The following UNC79 variants were observed in gnomAD, a reference collection of about 807,000 sequenced individuals.
UNC79 encodes protein unc-79 homolog.
Under a neutral mutation model 283.1 loss-of-function variants are expected in UNC79, and 37 were observed. The ratio of observed to expected loss-of-function variants is 0.13; its 90% CI spans 0.10 to 0.17. The LOEUF (loss-of-function observed/expected upper bound fraction) is 0.17. UNC79 is among the 10% of genes least tolerant of loss of function. The pLI, the probability that UNC79 is intolerant of heterozygous loss-of-function variation, is 1.00. For missense variants in UNC79, 2,272 were observed against 3,211.1 expected, an observed-to-expected ratio of 0.71 and a Z score of 7.07; for synonymous variants, 1,107 against 1,200.2, an observed-to-expected ratio of 0.92 and a Z score of 1.61.
chr14:93,655,644 GAAAAAAAAA>G, intron 38 of UNC79, among the ~76,000 whole-genome samples: 1 of 81,760 alleles, frequency 1.2e-5, no homozygotes, highest in African/African-American at 4.1e-5. Context: ...CAGTTGATTT[GAAAAAAAAA>G]AAAAAAAACA....
At chr14:93,655,144 G>A in intron 37 of UNC79, 90 bp from the exon 41 acceptor site, 1 of 1,443,042 alleles carries the variant, frequency 6.9e-7, no homozygotes, top group East Asian at 2.3e-5. Flanking sequence ...ATAGCCTGAA[G>A]ATGTGACTTT....
At chr14:93,458,013 A>G (rs1427167429) in intron 1 of UNC79, among the ~76,000 whole-genome samples, 3 of 152,244 alleles carry the variant, frequency 2.0e-5, no homozygotes, top group Admixed American at 2.0e-4. Context: ...TTTCAGGCAT[A>G]ATTTTTACTT....
chr14:93,704,574 G>A (rs769226382), intron 47 of UNC79, 51 bp from the exon 51 acceptor site: 7 of 1,600,612 alleles, frequency 4.4e-6, no homozygotes, highest in Non-Finnish European at 6.0e-6. Context: ...GCGAAGCTTT[G>A]TGGGAGAATA....
At chr14:93,633,927 A>G (rs551410660) in intron 31 of UNC79, among the ~76,000 whole-genome samples, 2 of 152,222 alleles carry the variant, frequency 1.3e-5, no homozygotes, top group Non-Finnish European at 2.9e-5. Context: ...GATTGAAAAC[A>G]GCATTGACTT....
chr14:93,641,767 G>C (rs2069057708), intron 33 of UNC79, among the ~76,000 whole-genome samples: 1 of 152,166 alleles, frequency 6.6e-6, no homozygotes, highest in South Asian at 2.1e-4. Context: ...AGATGATATG[G>C]TTTGGCTATG....
chr14:93,570,510 C>T (rs1054373567), intron 14 of UNC79, among the ~76,000 whole-genome samples: 1 of 152,196 alleles, frequency 6.6e-6, no homozygotes, highest in South Asian at 2.1e-4. Flanking sequence ...CATAATATCT[C>T]CTATCAGACT....
Position 93,531,099 on chromosome 14 carries a change from T to C in UNC79, c.1094-1451T>C, listed in dbSNP as rs2060803655. On this transcript the variant is annotated intron_variant, in intron 10 of 48. Coordinates refer to ENST00000555664, the Ensembl canonical transcript of UNC79. This position sits in a 1 kb window ranked among gnomAD's most constrained non-coding sequence, Gnocchi z 4.2. ...TAAGTTATAAAATCCTTTTTAAATA[T>C]GTTGCTGAGTTCTGGTTGTCATCTC... 6.6e-6 allele frequency among the ~76,000 whole-genome samples: 1 copy of C among 152,252 alleles called. No individual in the cohort carries two copies. Among genetic ancestry groups the C allele is most frequent in the South Asian group, 2.1e-4 (1 of 4,832 alleles).
chr14:93,628,013 A>G (rs2067700717), intron 30 of UNC79, among the ~76,000 whole-genome samples: 2 of 152,110 alleles, frequency 1.3e-5, no homozygotes, highest in African/African-American at 4.8e-5. Context: ...TTGGCTAGGG[A>G]TGATTATTTT....
In UNC79 at chr14:93,337,176, C is replaced by T. The variant is rs180993836; in HGVS notation, c.-351+3653C>T. ...ACCAATTAGCATGCATTTCTTCCTG[C>T]CCATGGACCAATCAGCATGCACTTC... On this transcript the variant is annotated intron_variant, in intron 1 of 49. Transcript: ENST00000256339. 5.9e-5 allele frequency among the ~76,000 whole-genome samples: 9 copies of T among 152,344 alleles called. No individual in the cohort carries two copies. The East Asian group carries it at 1.5e-3, about 26-fold the overall frequency.
intron 2 of UNC79, 98 bp downstream of exon 2, chr14:93,467,889 G>T: frequency 7.5e-7 from 1 of 1,336,268 alleles, no homozygotes; most frequent in South Asian, 1.9e-5. Flanking sequence ...GTTTTAAAGG[G>T]CCTATGTTTT....
intron 7 of UNC79, among the ~76,000 whole-genome samples, chr14:93,508,465 C>A (rs1345107394): frequency 6.6e-6 from 1 of 152,054 alleles, no homozygotes; most frequent in Non-Finnish European, 1.5e-5. Context: ...TCTGTGATTC[C>A]ATTTGGAAAG....
chr14:93,567,277 G>A (rs2062948361), intron 14 of UNC79, among the ~76,000 whole-genome samples: 1 of 152,174 alleles, frequency 6.6e-6, no homozygotes, highest in South Asian at 2.1e-4. Flanking sequence ...CCAGGCTGGA[G>A]TGTAGTGGCG....
At chr14:93,551,274 C>T (rs1017416841) in intron 14 of UNC79, among the ~76,000 whole-genome samples, 5 of 152,208 alleles carry the variant, frequency 3.3e-5, no homozygotes, top group African/African-American at 7.2e-5. Flanking sequence ...TGGTCTCAAT[C>T]TCCTGACCTC....
chr14:93,540,774 C>T, exon 13 of UNC79: 1 of 1,613,638 alleles, frequency 6.2e-7, no homozygotes. Flanking sequence ...ACTTTGATAA[C>T]AAGGACGATG....
chr14:93,515,735 G>A (rs2060023567), intron 7 of UNC79, among the ~76,000 whole-genome samples: 1 of 151,574 alleles, frequency 6.6e-6, no homozygotes, highest in African/African-American at 2.4e-5. Flanking sequence ...TTTAAATTGG[G>A]GTGTTTATTT....
chr14:93,699,999 A>G (rs2075409195), intron 47 of UNC79, among the ~76,000 whole-genome samples: 1 of 151,108 alleles, frequency 6.6e-6, no homozygotes, highest in Non-Finnish European at 1.5e-5. Context: ...TGTATGTTTT[A>G]GAAGCTTTAT....
intron 1 of UNC79, among the ~76,000 whole-genome samples, chr14:93,373,606 A>T (rs953642422): frequency 6.6e-6 from 1 of 152,228 alleles, no homozygotes; most frequent in Admixed American, 6.5e-5. Context: ...AGTTGAATCA[A>T]TAAATAATTA....
chr14:93,525,235 G>A (rs576201939), intron 8 of UNC79, among the ~76,000 whole-genome samples: 17 of 152,146 alleles, frequency 1.1e-4, no homozygotes, highest in South Asian at 8.3e-4. Context: ...GCCTGAGGTC[G>A]GGAGTTTGAG....
intron 7 of UNC79, among the ~76,000 whole-genome samples, chr14:93,505,463 C>G (rs1210797868): frequency 2.6e-5 from 4 of 152,074 alleles, no homozygotes; most frequent in Non-Finnish European, 4.4e-5. Flanking sequence ...TTGTCTTATA[C>G]TAATGTAGCT....
Sources: gnomAD v4.1 joint callset for allele counts (sites outside exome capture counted in the v4.1 genomes callset) on GRCh38, gnomAD v4.1.1 for gene constraint, Gnocchi (gnomAD v3.1) non-coding constraint, MANE v1.5 for transcripts, NCBI Gene and HGNC (gene_info 2026-07-23, HGNC 2026-07-21) for gene names.